SAMD4A: variants seen among roughly 807,000 people sequenced by gnomAD.
SAMD4A encodes sterile alpha motif domain containing 4A, also known as protein Smaug homolog 1.
SAMD4A carries 33 observed loss-of-function variants against 81.3 expected under a neutral mutation model. That is an observed-to-expected ratio of 0.41 (90% confidence interval 0.31 to 0.54). The LOEUF is 0.54. Among genes scored for constraint, SAMD4A ranks in the 20% least tolerant of loss-of-function variants. The pLI is 0.37. For missense variants in SAMD4A, 854 were observed against 951.1 expected (o/e 0.90, Z 1.34); for synonymous variants, 389 against 382.1 (o/e 1.02, Z -0.21).
chr14:54,610,729 TAGTC>T (rs1337603488), intron 2 of SAMD4A, among the ~76,000 whole-genome samples: 2 of 152,228 alleles, frequency 1.3e-5, no homozygotes, highest in Admixed American at 1.3e-4. Flanking sequence ...AAATAGCAGA[TAGTC>T]AATGATATAA....
chr14:54,711,081 A>G (rs1446216170), intron 3 of SAMD4A, among the ~76,000 whole-genome samples: 2 of 152,194 alleles, frequency 1.3e-5, no homozygotes, highest in Non-Finnish European at 2.9e-5. Flanking sequence ...CCACCCTGCC[A>G]TAAATGTTTG....
At chr14:54,688,161 C>G in intron 2 of SAMD4A, 1 of 985,454 alleles carries the variant, frequency 1.0e-6, no homozygotes, top group Non-Finnish European at 1.2e-6. Context: ...TGTGCCCTCA[C>G]CCCTAAACTC....
At position 54,694,528 on chromosome 14, in the gene SAMD4A, G is replaced by A. The variant is rs1276956136; in HGVS notation, c.197-7534G>A. On this transcript the variant is annotated intron_variant, in intron 2 of 12. Transcript: ENST00000554335. ...GGACATGTTGACTTTGAGATCATCT[G>A]AGTGAGCATGGAGAGGGTGCAGTTG... 2.4e-5 allele frequency: 15 copies of A among 627,600 alleles called. No individual in the cohort carries two copies. The South Asian group carries it at 9.2e-4, about 38-fold the overall frequency. The allele number at this position is 627,600 out of a possible 1,614,324, so 38.9% of individuals were successfully genotyped here.
At chr14:54,723,651 T>C (rs2037319167) in intron 3 of SAMD4A, among the ~76,000 whole-genome samples, 1 of 152,248 alleles carries the variant, frequency 6.6e-6, no homozygotes, top group Admixed American at 6.5e-5. Context: ...ATATTAACAC[T>C]GCCTTGCGGC....
chr14:54,707,015 G>A (rs2140779029), intron 3 of SAMD4A, among the ~76,000 whole-genome samples: 1 of 152,158 alleles, frequency 6.6e-6, no homozygotes, highest in Non-Finnish European at 1.5e-5. Context: ...ATTAGGATAG[G>A]AGCACGTATG....
intron 5 of SAMD4A, among the ~76,000 whole-genome samples, chr14:54,750,185 T>C (rs1251968671): frequency 6.6e-6 from 1 of 152,072 alleles, no homozygotes; most frequent in Non-Finnish European, 1.5e-5. Flanking sequence ...CAAGAAATAA[T>C]TGAGGGCAAA....
intron 2 of SAMD4A, among the ~76,000 whole-genome samples, chr14:54,602,375 C>CACACAT (rs1491307995): frequency 1.0e-4 from 14 of 134,556 alleles, no homozygotes; most frequent in African/African-American, 3.9e-4. Context: ...CACACACACA[C>CACACAT]GAAACACCAG....
chr14:54,756,751 T>C (rs1247487873), intron 6 of SAMD4A, among the ~76,000 whole-genome samples: 1 of 152,228 alleles, frequency 6.6e-6, no homozygotes, highest in Non-Finnish European at 1.5e-5. Context: ...CTTTTCCAGA[T>C]GGTTTGCAGC....
At chr14:54,634,060 C>T (rs376856813) in intron 2 of SAMD4A, among the ~76,000 whole-genome samples, 3 of 152,002 alleles carry the variant, frequency 2.0e-5, no homozygotes, top group African/African-American at 7.3e-5. Flanking sequence ...CACAGGTGGG[C>T]AGATCATCTG....
chr14:54,569,764 T>G (rs145827045), intron 2 of SAMD4A, among the ~76,000 whole-genome samples: 1 of 152,374 alleles, frequency 6.6e-6, no homozygotes, highest in East Asian at 1.9e-4. Flanking sequence ...CAGAGTCATT[T>G]AGGTTGAATG....
intron 4 of SAMD4A, among the ~76,000 whole-genome samples, chr14:54,747,527 T>A (rs2037997174): frequency 6.6e-6 from 1 of 152,244 alleles, no homozygotes; most frequent in Admixed American, 6.5e-5. Flanking sequence ...GGAATGTGTG[T>A]GGTCAGTGCC....
Position 54,791,028 on chromosome 14 carries a change from G to C in SAMD4A, c.*2084G>C, listed in dbSNP as rs2039251534. 6.6e-6 allele frequency: 1 copy of C among 152,050 alleles called. No individual in the cohort carries two copies. The highest frequency in any genetic ancestry group is 1.5e-5 in the Non-Finnish European group (1 of 68,000). 9.4% of individuals were successfully genotyped at this position (152,050 alleles called of 1,614,324 possible). A position where few individuals can be genotyped will look rare whatever the true frequency, so the allele number is the denominator to read the frequency against. On this transcript the variant is annotated 3_prime_UTR_variant, in exon 13 of 13. Transcript: ENST00000554335. ...TCTCCTTGGGTGACTAAGTTCTAAA[G>C]ATGCAAATCCATGTGCAGAAAGAGA... is the stretch of plus-strand genomic sequence containing the variant.
At chr14:54,606,466 C>CG (rs1039011965) in intron 2 of SAMD4A, among the ~76,000 whole-genome samples, 8 of 152,014 alleles carry the variant, frequency 5.3e-5, no homozygotes, top group South Asian at 2.1e-4. Context: ...GATTGGGTGG[C>CG]GGGGGGAGGA....
intron 10 of SAMD4A, 22 bp downstream of exon 10, chr14:54,775,157 G>A (rs2038809928): frequency 1.2e-6 from 2 of 1,613,872 alleles, no homozygotes; most frequent in Non-Finnish European, 1.7e-6. Context: ...CCCAAGGAAG[G>A]AGGAGGATGG....
At chr14:54,577,614 T>A (rs1006443813) in intron 2 of SAMD4A, among the ~76,000 whole-genome samples, 1 of 152,210 alleles carries the variant, frequency 6.6e-6, no homozygotes, top group Non-Finnish European at 1.5e-5. Context: ...ATATGAATAA[T>A]GTCACAATGT....
intron 6 of SAMD4A, among the ~76,000 whole-genome samples, chr14:54,758,316 G>A (rs565767975): frequency 2.0e-4 from 30 of 152,258 alleles, no homozygotes; most frequent in African/African-American, 6.3e-4. Flanking sequence ...GGTGTTCTTC[G>A]CTGCCCACAG....
chr14:54,675,323 G>C (rs2035967991), intron 2 of SAMD4A, among the ~76,000 whole-genome samples: 1 of 135,686 alleles, frequency 7.4e-6, no homozygotes, highest in East Asian at 2.4e-4. Flanking sequence ...CCGAGATTGT[G>C]CCATTGCACT....
At chr14:54,631,963 A>G (rs772857159) in intron 2 of SAMD4A, among the ~76,000 whole-genome samples, 1 of 152,226 alleles carries the variant, frequency 6.6e-6, no homozygotes, top group Non-Finnish European at 1.5e-5. Context: ...TCATTCATTC[A>G]GAGTTACTAT....
chr14:54,607,776 A>G (rs1462136799), intron 2 of SAMD4A, among the ~76,000 whole-genome samples: 1 of 152,120 alleles, frequency 6.6e-6, no homozygotes, highest in Non-Finnish European at 1.5e-5. Flanking sequence ...TTTAATGGCT[A>G]TAATAATTTC....
Sources: gnomAD v4.1 joint callset for allele counts (sites outside exome capture counted in the v4.1 genomes callset) on GRCh38, gnomAD v4.1.1 for gene constraint, MANE v1.5 for transcripts, NCBI Gene and HGNC (gene_info 2026-07-23, HGNC 2026-07-21) for gene names.